The following SETDB1 variants were observed in gnomAD, a reference collection of about 807,000 sequenced individuals.
SETDB1 encodes the protein histone-lysine N-methyltransferase SETDB1.
A neutral mutation model predicts 137.4 loss-of-function variants in SETDB1; 31 were observed. The ratio of observed to expected loss-of-function variants is 0.23; its 90% CI spans 0.17 to 0.30. SETDB1 has a LOEUF of 0.30. SETDB1 is among the 10% of genes least tolerant of loss of function. SETDB1 has a pLI of 1.00. For synonymous variants in SETDB1, 548 were observed against 579.9 expected (o/e 0.95, Z 0.79); for missense variants, 1,113 against 1,631.5 (o/e 0.68, Z 5.47).
rs71090112 is a variant in SETDB1 at position 150,933,368 on chromosome 1, CT to C, written c.412+3267del. ...AGCTACCATGCCTGGCCTATTTTGT[CT>C]TTTTTTTTTTTTTTTTGAGACAGTC... On this transcript the variant is annotated intron_variant, in intron 3 of 21. Coordinates refer to ENST00000692827, the MANE Select transcript of SETDB1 (RefSeq NM_001366418.1). Among the ~76,000 whole-genome samples the C allele has an allele frequency of 2.2e-3, 264 of 118,824 alleles. 1 individual carries two copies. The highest frequency in any genetic ancestry group is 4.2e-3 in the African/African-American group (134 of 31,650). The allele number at this position is 118,824 out of a possible 152,430, so 78.0% of individuals were successfully genotyped here.
chr1:150,955,782 A>T (rs1025883960), intron 14 of SETDB1, among the ~76,000 whole-genome samples: 1 of 152,240 alleles, frequency 6.6e-6, no homozygotes, highest in South Asian at 2.1e-4. Context: ...AGTTTACCCA[A>T]TGCCTGGCAC....
chr1:150,934,516 TCTA>T (rs973236951), intron 3 of SETDB1, among the ~76,000 whole-genome samples: 42 of 152,126 alleles, frequency 2.8e-4, no homozygotes, highest in African/African-American at 1.0e-3. Flanking sequence ...CCAGCATACT[TCTA>T]CTTTCACTCT....
chr1:150,936,513 C>T (rs896906430), intron 3 of SETDB1, among the ~76,000 whole-genome samples: 1 of 152,064 alleles, frequency 6.6e-6, no homozygotes, highest in African/African-American at 2.4e-5. Context: ...ATGAATATGC[C>T]ACAGTTTATC....
chr1:150,933,368 C>CTTTTTTTTTTTTTTTTT (rs71090112), intron 3 of SETDB1, among the ~76,000 whole-genome samples: 9 of 118,860 alleles, frequency 7.6e-5, no homozygotes, highest in Admixed American at 1.0e-4. Context: ...CCTATTTTGT[C>CTTTTTTTTTTTTTTTTT]TTTTTTTTTT....
intron 2 of SETDB1, among the ~76,000 whole-genome samples, chr1:150,929,406 T>G (rs1379832848): frequency 2.0e-5 from 3 of 151,692 alleles, no homozygotes; most frequent in African/African-American, 7.3e-5. Context: ...AGACAGAGAC[T>G]TGCTCTGTCT....
chr1:150,942,207 G>A (rs139037694), intron 5 of SETDB1, among the ~76,000 whole-genome samples: 7 of 151,250 alleles, frequency 4.6e-5, no homozygotes, highest in Admixed American at 3.3e-4. Context: ...TTGGGAGACC[G>A]AGGCAGGCGG....
intron 14 of SETDB1, among the ~76,000 whole-genome samples, chr1:150,955,726 G>A (rs1426413838): frequency 6.6e-6 from 1 of 152,096 alleles, no homozygotes; most frequent in Non-Finnish European, 1.5e-5. Flanking sequence ...CTTCATGAGG[G>A]CAAGGATCTT....
At chr1:150,935,303 A>G (rs1571628784) in intron 3 of SETDB1, among the ~76,000 whole-genome samples, 1 of 152,226 alleles carries the variant, frequency 6.6e-6, no homozygotes, top group East Asian at 1.9e-4. Flanking sequence ...TTCTGGTGTT[A>G]GTTTGACTGG....
chr1:150,926,680 G>A, intron 1 of SETDB1, 163 bp downstream of exon 1: 1 of 520,578 alleles, frequency 1.9e-6, no homozygotes. Context: ...CCCTAGAATG[G>A]GTAGCACGGG....
chr1:150,945,608 C>T (rs3843843), intron 9 of SETDB1, among the ~76,000 whole-genome samples: 53,687 of 152,002 alleles, frequency 0.35, 9,858 homozygotes, highest in South Asian at 0.51. Context: ...AACAAGGCTA[C>T]CTGATAGGCA....
chr1:150,944,164 GT>G, intron 8 of SETDB1, 171 bp downstream of exon 8: 1 of 610,310 alleles, frequency 1.6e-6, no homozygotes, highest in Non-Finnish European at 2.9e-6. Context: ...AAGAGATACA[GT>G]TTTATTGTTC....
Position 150,960,925 on chromosome 1 carries a change from C to T in SETDB1, c.2866C>T (p.Pro956Ser). ...KDSHPPDLGP[P>S]HIPVPPSIPV... ...CTCCCACCCCCCAGATCTTGGACCCCCACATATTCCTGTTCCTCCCTCAAT... is the reference window on the plus strand; with the variant it reads ...CTCCCACCCCCCAGATCTTGGACCCTCACATATTCCTGTTCCTCCCTCAAT... The change falls in exon 16 of 22, where the codon CCA becomes TCA. Residue 956 changes from proline (P) to serine (S), a missense_variant. Pro to Ser is a moderately conservative substitution (Grantham distance 74). This residue lies in a region of SETDB1 where 373 missense variants were observed against 412.7 expected (regional missense o/e 0.90). Coordinates refer to ENST00000692827, the MANE Select transcript of SETDB1 (RefSeq NM_001366418.1). The T allele has an allele frequency of 6.2e-7, 1 of 1,613,844 alleles. No individual in the cohort carries two copies. The highest frequency in any genetic ancestry group is 8.5e-7 in the Non-Finnish European group (1 of 1,179,910).
intron 3 of SETDB1, among the ~76,000 whole-genome samples, chr1:150,936,890 C>T (rs1345297919): frequency 1.3e-5 from 2 of 152,034 alleles, no homozygotes; most frequent in African/African-American, 4.8e-5. Context: ...TTTGGGAGGC[C>T]GAGGCGGGTG....
intron 14 of SETDB1, among the ~76,000 whole-genome samples, chr1:150,953,877 T>C (rs1406142384): frequency 2.0e-5 from 3 of 151,558 alleles, no homozygotes; most frequent in African/African-American, 7.3e-5. Flanking sequence ...TTTTTTTAGA[T>C]GGAGTCTTGC....
chr1:150,954,840 TCTC>T (rs1225002169), intron 14 of SETDB1, among the ~76,000 whole-genome samples: 1 of 152,206 alleles, frequency 6.6e-6, no homozygotes, highest in Non-Finnish European at 1.5e-5. Flanking sequence ...TCATTCCCCT[TCTC>T]AGAAAGTTTC....
Position 150,943,773 on chromosome 1 carries a change from C to G in SETDB1, c.876-147C>G, listed in dbSNP as rs116220482. 5.0e-3 allele frequency: 2,834 copies of G among 563,200 alleles called. 28 individuals carry two copies. The highest frequency in any genetic ancestry group is 7.3e-3 in the Non-Finnish European group (2,300 of 315,460). 34.9% of individuals were successfully genotyped at this position (563,200 alleles called of 1,614,324 possible). Reference sequence around the variant, plus strand: ...CTCTCAAGTTGAGAAGAAAGAAAAACAGGAAGAAAGTAGTGGACTGGATTG... The same window carrying G: ...CTCTCAAGTTGAGAAGAAAGAAAAAGAGGAAGAAAGTAGTGGACTGGATTG... On this transcript the variant is annotated intron_variant, in intron 7 of 21. Coordinates refer to ENST00000692827, the MANE Select transcript of SETDB1 (RefSeq NM_001366418.1).
intron 15 of SETDB1, among the ~76,000 whole-genome samples, chr1:150,960,349 CA>C (rs1380950831): frequency 2.0e-5 from 3 of 150,620 alleles, no homozygotes; most frequent in Non-Finnish European, 4.4e-5. Context: ...TGGTGGCGTG[CA>C]CCTGTAGTCC....
At chr1:150,959,140 A>G (rs1338437253) in intron 14 of SETDB1, 38 bp from the exon 15 acceptor site, 1 of 1,468,162 alleles carries the variant, frequency 6.8e-7, no homozygotes, top group Non-Finnish European at 9.1e-7. Context: ...TGCTCTAGTG[A>G]TCATACCGTG....
chr1:150,944,306 A>C (rs893877019), intron 8 of SETDB1, among the ~76,000 whole-genome samples: 1 of 152,202 alleles, frequency 6.6e-6, no homozygotes, highest in Admixed American at 6.6e-5. Context: ...AAAAGGTGTT[A>C]CTTCTTTCCT....
Sources: gnomAD v4.1 joint callset for allele counts (sites outside exome capture counted in the v4.1 genomes callset) on GRCh38, gnomAD v4.1.1 for gene constraint, gnomAD v4.1.1 regional missense constraint, MANE v1.5 for transcripts, NCBI Gene and HGNC (gene_info 2026-07-23, HGNC 2026-07-21) for gene names.